Variants in PCNX2 observed in about 807,000 individuals in gnomAD.
PCNX2 encodes the protein pecanex-like protein 2.
Under a neutral mutation model 223.8 loss-of-function variants are expected in PCNX2, and 168 were observed. The ratio of observed to expected loss-of-function variants is 0.75; its 90% CI spans 0.66 to 0.85. The LOEUF (loss-of-function observed/expected upper bound fraction) is 0.85, where lower values mean the gene tolerates loss of function less well. Among genes scored for constraint, PCNX2 ranks in the 40% least tolerant of loss-of-function variants. PCNX2 has a pLI of 0.00. For missense variants in PCNX2, 2,507 were observed against 2,675.5 expected (o/e 0.94, Z 1.39); for synonymous variants, 1,006 against 1,052.6 (o/e 0.96, Z 0.86).
chr1:233,012,295 G>A (rs1034633060), intron 28 of PCNX2, among the ~76,000 whole-genome samples: 1 of 152,068 alleles, frequency 6.6e-6, no homozygotes, highest in East Asian at 1.9e-4. Flanking sequence ...TGGTTGAAGA[G>A]CGGTGGGGCC....
At chr1:233,319,825 C>G in the PCNX2 span, among the ~76,000 whole-genome samples, 1 of 152,150 alleles carries the variant, frequency 6.6e-6, no homozygotes, top group East Asian at 1.9e-4. Context: ...AAAACAGAGA[C>G]ATCTAAAATA....
intron 17 of PCNX2, among the ~76,000 whole-genome samples, chr1:233,175,379 C>T (rs1679422109): frequency 6.6e-6 from 1 of 152,216 alleles, no homozygotes; most frequent in Non-Finnish European, 1.5e-5. Flanking sequence ...CCTAGCCCAT[C>T]ACATCTAATT....
chr1:232,985,982 A>T, intron 33 of PCNX2, 110 bp downstream of exon 33: 1 of 1,200,876 alleles, frequency 8.3e-7, no homozygotes, highest in Non-Finnish European at 1.2e-6. Flanking sequence ...AGAGAAGGGG[A>T]TGGGGTTCTG....
rs1425282749 is a variant in PCNX2 at position 233,195,207 on chromosome 1, T to A, written c.3066+3732A>T. ...ATGTAATTCTTCCTAACAATTGCTT[T>A]AAAAAAAATCAATATGGTCTTCTCA... On this transcript the variant is annotated intron_variant, in intron 15 of 33. Coordinates refer to ENST00000258229, the MANE Select transcript of PCNX2 (RefSeq NM_014801.4). Among the ~76,000 whole-genome samples, 3 of 151,836 alleles carry A rather than the reference T, an allele frequency of 2.0e-5. No individual in the cohort carries two copies. In the East Asian group the frequency reaches 5.8e-4, roughly 29 times the overall value.
chr1:233,071,151 T>C (rs573711169), intron 23 of PCNX2, among the ~76,000 whole-genome samples: 2 of 152,374 alleles, frequency 1.3e-5, no homozygotes, highest in East Asian at 3.9e-4. Flanking sequence ...CCACTTTAGC[T>C]GCTCTTAATC....
intron 13 of PCNX2, among the ~76,000 whole-genome samples, chr1:233,205,438 A>G (rs1681384614): frequency 6.6e-6 from 1 of 152,216 alleles, no homozygotes; most frequent in Non-Finnish European, 1.5e-5. Context: ...TCATGCCTAT[A>G]ATCCCAGCAC....
At chr1:233,167,594 T>C (rs1032262636) in intron 17 of PCNX2, 15 of 412,738 alleles carry the variant, frequency 3.6e-5, no homozygotes, top group Admixed American at 3.2e-4. Context: ...TGGGTAACTA[T>C]GCGAGATGAT....
intron 23 of PCNX2, among the ~76,000 whole-genome samples, chr1:233,083,346 T>C (rs1673448729): frequency 6.6e-6 from 1 of 152,212 alleles, no homozygotes; most frequent in African/African-American, 2.4e-5. Flanking sequence ...GCAGCAGGTG[T>C]AGGACTCAGC....
At chr1:233,104,096 G>T (rs1407603543) in intron 21 of PCNX2, among the ~76,000 whole-genome samples, 2 of 151,998 alleles carry the variant, frequency 1.3e-5, no homozygotes, top group African/African-American at 4.8e-5. Context: ...ATTTCATTTT[G>T]TTCAATAGAT....
intron 25 of PCNX2, among the ~76,000 whole-genome samples, chr1:233,051,531 T>C (rs1205908948): frequency 2.6e-5 from 4 of 152,106 alleles, no homozygotes; most frequent in African/African-American, 7.2e-5. Flanking sequence ...AAAAATAAAA[T>C]CATGTCCTTT....
chr1:233,237,501 T>C (rs1021643959), intron 8 of PCNX2, among the ~76,000 whole-genome samples: 2 of 152,222 alleles, frequency 1.3e-5, no homozygotes, highest in African/African-American at 4.8e-5. Context: ...GAATTAGTTG[T>C]GATCTATATC....
chr1:233,128,729 C>T (rs950519029), intron 21 of PCNX2, among the ~76,000 whole-genome samples: 6 of 152,154 alleles, frequency 3.9e-5, no homozygotes, highest in African/African-American at 7.2e-5. Flanking sequence ...TTCCTTGCAA[C>T]CAAATATCCT....
intron 23 of PCNX2, among the ~76,000 whole-genome samples, chr1:233,060,660 A>T (rs1401671311): frequency 6.6e-6 from 1 of 152,192 alleles, no homozygotes; most frequent in Non-Finnish European, 1.5e-5. Context: ...GTCCAATCAA[A>T]TGAACATCAG....
chr1:233,280,142 T>C (rs1487163142), intron 1 of PCNX2, among the ~76,000 whole-genome samples: 5 of 152,180 alleles, frequency 3.3e-5, no homozygotes, highest in Non-Finnish European at 5.9e-5. Flanking sequence ...TACTCCACTG[T>C]AGGACGTACC....
At chr1:233,086,021 A>C (rs1673583450) in intron 23 of PCNX2, among the ~76,000 whole-genome samples, 1 of 152,276 alleles carries the variant, frequency 6.6e-6, no homozygotes, top group East Asian at 1.9e-4. Flanking sequence ...CAACAAGAAC[A>C]TAAAGGCAAA....
chr1:233,094,965 G>A lies in PCNX2; in HGVS notation c.3946+790C>T, dbSNP rs536702709. Reference sequence around the variant, plus strand: ...TGATGCAAGTGGTCCCTGTTTCCTGGGAAACACACAGGTTTAAAAACTCTA... The same window carrying A: ...TGATGCAAGTGGTCCCTGTTTCCTGAGAAACACACAGGTTTAAAAACTCTA... On this transcript the variant is annotated intron_variant, in intron 22 of 33. Coordinates refer to ENST00000258229, the MANE Select transcript of PCNX2 (RefSeq NM_014801.4). Among the ~76,000 whole-genome samples, 41 of 152,234 alleles carry A rather than the reference G, an allele frequency of 2.7e-4. No homozygotes were observed. In the South Asian group the frequency reaches 3.3e-3, roughly 12 times the overall value.
chr1:233,229,084 T>G (rs1318544853), intron 9 of PCNX2, among the ~76,000 whole-genome samples: 1 of 152,166 alleles, frequency 6.6e-6, no homozygotes, highest in Non-Finnish European at 1.5e-5. Flanking sequence ...CAGCACAACT[T>G]TTTTCCTAAC....
chr1:233,270,540 A>G (rs1050013743), intron 1 of PCNX2, among the ~76,000 whole-genome samples: 1 of 152,140 alleles, frequency 6.6e-6, no homozygotes, highest in Non-Finnish European at 1.5e-5. Context: ...CCCCTTGCAA[A>G]TACCTGTTTA....
chr1:233,102,598 A>T (rs1674546173), intron 21 of PCNX2, among the ~76,000 whole-genome samples: 1 of 152,052 alleles, frequency 6.6e-6, no homozygotes, highest in Non-Finnish European at 1.5e-5. Context: ...TTTGAGTTTC[A>T]CTTCTCTGAT....
Sources: allele counts gnomAD v4.1 joint callset (sites outside exome capture counted in the v4.1 genomes callset), GRCh38; gene constraint gnomAD v4.1.1; transcripts MANE v1.5; gene names NCBI Gene and HGNC (gene_info 2026-07-23, HGNC 2026-07-21).